The following ERAP2 variants were observed in gnomAD, a reference collection of about 807,000 sequenced individuals.
The protein encoded by ERAP2 is leukocyte-derived arginine aminopeptidase.
In ERAP2, 118 loss-of-function variants were observed where a neutral mutation model predicts 111.1. The ratio of observed to expected loss-of-function variants is 1.06; its 90% CI spans 0.92 to 1.24. ERAP2 has a LOEUF of 1.24. Among genes scored for constraint, ERAP2 ranks in the 50% most tolerant of loss-of-function variants. ERAP2 has a pLI of 0.00. For missense variants in ERAP2, 1,131 were observed against 1,125.8 expected (o/e 1.00, Z -0.07); for synonymous variants, 410 against 401.2 (o/e 1.02, Z -0.26).
At chr5:96,915,257 C>T (rs1787250102) in intron 17 of ERAP2, among the ~76,000 whole-genome samples, 8 of 152,152 alleles carry the variant, frequency 5.3e-5, no homozygotes. Flanking sequence ...GATCCACCCA[C>T]CTCGGCCTCC....
chr5:96,891,824 T>A (rs1784424452), intron 5 of ERAP2, among the ~76,000 whole-genome samples: 1 of 152,176 alleles, frequency 6.6e-6, no homozygotes, highest in African/African-American at 2.4e-5. Flanking sequence ...TAGAGATGGC[T>A]CCTAAGAGGT....
intron 15 of ERAP2, among the ~76,000 whole-genome samples, chr5:96,912,188 C>CAAA (rs1266993157): frequency 1.8e-4 from 15 of 84,178 alleles, no homozygotes; most frequent in South Asian, 3.6e-4. Flanking sequence ...GACTCCACCT[C>CAAA]AAAAAAAAAA....
chr5:96,876,569 A>AT (rs1052727321), intron 1 of ERAP2, 42 bp downstream of exon 1: 7 of 152,260 alleles, frequency 4.6e-5, no homozygotes, highest in Non-Finnish European at 7.4e-5. Flanking sequence ...TTAAAATTAG[A>AT]TTTTTTCAAT....
intron 4 of ERAP2, among the ~76,000 whole-genome samples, chr5:96,887,030 G>A (rs1305883785): frequency 2.7e-5 from 4 of 147,426 alleles, no homozygotes; most frequent in Non-Finnish European, 6.0e-5. Context: ...GGTGTACATA[G>A]TAACAGTATT....
chr5:96,917,321 A>T, intron 18 of ERAP2, 141 bp from the exon 19 acceptor site: 1 of 601,058 alleles, frequency 1.7e-6, no homozygotes, highest in Non-Finnish European at 2.8e-6. Flanking sequence ...GGGTTCTGGC[A>T]TGTTGCCTAG....
chr5:96,910,004 G>T, intron 15 of ERAP2: 1 of 379,338 alleles, frequency 2.6e-6, no homozygotes, highest in South Asian at 3.5e-5. Context: ...AGTGGCCCAC[G>T]CCTATAATCC....
At chr5:96,893,557 T>A (rs572533505) in intron 6 of ERAP2, among the ~76,000 whole-genome samples, 1 of 152,280 alleles carries the variant, frequency 6.6e-6, no homozygotes, top group South Asian at 2.1e-4. Flanking sequence ...GGATTTCTAA[T>A]CTTTCTGCCA....
At chr5:96,916,018 C>T (rs1451005965) in intron 18 of ERAP2, among the ~76,000 whole-genome samples, 2 of 152,026 alleles carry the variant, frequency 1.3e-5, no homozygotes, top group Admixed American at 6.6e-5. Flanking sequence ...GTCAGGAGTT[C>T]GAGACCAGCC....
chr5:96,897,013 C>A, intron 9 of ERAP2, 150 bp downstream of exon 9: 1 of 242,060 alleles, frequency 4.1e-6, no homozygotes, highest in Admixed American at 1.7e-4. Context: ...CAGCACTTCC[C>A]TTTTTCCTCT....
chr5:96,896,965 T>TAAGTCATATGTTGGGTAACGATAGACCG, intron 9 of ERAP2, 102 bp downstream of exon 9: 2 of 987,684 alleles, frequency 2.0e-6, no homozygotes, highest in Non-Finnish European at 2.8e-6. Flanking sequence ...GTCAACCATA[T>TAAGTCATATGTTGGGTAACGATAGACCG]TTATTCTGCT....
rs944676048 is a variant in ERAP2, at chr5:96,918,837, A to G, written c.*1232A>G. 1.3e-5 allele frequency: 2 copies of G among 152,214 alleles called. No individual in the cohort carries two copies. The highest frequency in any genetic ancestry group is 1.3e-4 in the Admixed American group (2 of 15,276). The allele number at this position is 152,214 out of a possible 1,614,324, so 9.4% of individuals were successfully genotyped here. On this transcript the variant is annotated 3_prime_UTR_variant, in exon 19 of 19. Coordinates refer to ENST00000437043, the MANE Select transcript of ERAP2 (RefSeq NM_022350.5). ...AATGTAAATATTTAGATGCAGCACC[A>G]TATTTTATAACCCAGCTTTAGCATT... is the stretch of plus-strand genomic sequence containing the variant.
intron 5 of ERAP2, among the ~76,000 whole-genome samples, chr5:96,890,798 T>C (rs1243798692): frequency 6.6e-6 from 1 of 152,190 alleles, no homozygotes; most frequent in Non-Finnish European, 1.5e-5. Flanking sequence ...TTCTATATAC[T>C]CTTTAGTACA....
chr5:96,880,297 A>G, intron 2 of ERAP2, 37 bp downstream of exon 2: 2 of 1,547,014 alleles, frequency 1.3e-6, no homozygotes, highest in Middle Eastern at 2.0e-4. Context: ...TTCTTTTGTG[A>G]TAATTTCCTT....
chr5:96,896,872 T>C lies in ERAP2; in HGVS notation c.1503+9T>C, dbSNP rs922415430. The C allele has an allele frequency of 6.4e-7, 1 of 1,570,066 alleles. No individual in the cohort carries two copies. Among genetic ancestry groups the C allele is most frequent in the African/African-American group, 1.4e-5 (1 of 72,198 alleles). On this transcript the variant is annotated intron_variant, in intron 9 of 18. Transcript: ENST00000437043. The stretch of plus-strand genomic sequence containing the variant: ...GGAGCAGTCTGTCAAATGTAAGTCA[T>C]ATGTTGGGTAACGATAGACTGTTAT...
In ERAP2 at chr5:96,892,592, G is replaced by A. The variant is rs189391704; in HGVS notation, c.1125+139G>A. 1,476 of 910,304 alleles carry A rather than the reference G, an allele frequency of 1.6e-3. 2 individuals carry two copies. Among genetic ancestry groups the A allele is most frequent in the Middle Eastern group, 4.0e-3 (13 of 3,232 alleles). 56.4% of individuals were successfully genotyped at this position (910,304 alleles called of 1,614,324 possible). On this transcript the variant is annotated intron_variant, in intron 6 of 18. Transcript: ENST00000437043. ...TAGAGACTACTAAACCTAACACAACGTCAAGTAGCACAGTACTCAGTCTCT... is the reference window on the plus strand; with the variant it reads ...TAGAGACTACTAAACCTAACACAACATCAAGTAGCACAGTACTCAGTCTCT...
chr5:96,901,917 T>A (rs1424353175), intron 11 of ERAP2, among the ~76,000 whole-genome samples: 1 of 152,224 alleles, frequency 6.6e-6, no homozygotes, highest in Non-Finnish European at 1.5e-5. Context: ...TTGGTTTAGT[T>A]ATTTGAATCA....
chr5:96,884,428 G>A (rs1783514562), intron 3 of ERAP2, among the ~76,000 whole-genome samples: 1 of 152,204 alleles, frequency 6.6e-6, no homozygotes, highest in African/African-American at 2.4e-5. Context: ...CAGGGACCCT[G>A]CAGGGCCCCA....
chr5:96,896,876 T>C lies in ERAP2; in HGVS notation c.1503+13T>C. ...CAGTCTGTCAAATGTAAGTCATATG[T>C]TGGGTAACGATAGACTGTTATTTAA... On this transcript the variant is annotated intron_variant, in intron 9 of 18. Transcript: ENST00000437043. The C allele has an allele frequency of 6.4e-7, 1 of 1,568,826 alleles. No individual in the cohort carries two copies. Among genetic ancestry groups the C allele is most frequent in the South Asian group, 1.2e-5 (1 of 83,420 alleles).
At chr5:96,908,385 C>T (rs560954473) in intron 13 of ERAP2, among the ~76,000 whole-genome samples, 6 of 152,252 alleles carry the variant, frequency 3.9e-5, no homozygotes, top group South Asian at 2.1e-4. Context: ...TAGAAGAAAA[C>T]GTAGAGAAGG....
Sources: allele counts gnomAD v4.1 joint callset (sites outside exome capture counted in the v4.1 genomes callset), GRCh38; gene constraint gnomAD v4.1.1; transcripts MANE v1.5; gene names NCBI Gene and HGNC (gene_info 2026-07-23, HGNC 2026-07-21).